Variants in ANKRD26 observed in about 807,000 individuals in gnomAD.
The protein encoded by ANKRD26 is ankyrin repeat domain-containing protein 26.
Under a neutral mutation model 208.7 loss-of-function variants are expected in ANKRD26, and 141 were observed. The ratio of observed to expected loss-of-function variants is 0.68; its 90% CI spans 0.59 to 0.78. The LOEUF is 0.78. Among genes scored for constraint, ANKRD26 ranks in the 30% least tolerant of loss-of-function variants. ANKRD26 has a pLI of 0.00. For missense variants in ANKRD26, 1,889 were observed against 1,938.7 expected (o/e 0.97, Z 0.48); for synonymous variants, 636 against 660.4 (o/e 0.96, Z 0.57).
intron 3 of ANKRD26, among the ~76,000 whole-genome samples, chr10:26,984,445 A>ATT (rs2052354334): frequency 6.6e-6 from 1 of 152,134 alleles, no homozygotes; most frequent in Non-Finnish European, 1.5e-5. Flanking sequence ...ATACCCCCTA[A>ATT]TTGTGCAGCA....
At chr10:27,061,320 A>ATATAAAATGT in intron 12 of ANKRD26, 78 bp from the exon 13 acceptor site, 1 of 894,454 alleles carries the variant, frequency 1.1e-6, no homozygotes, top group South Asian at 1.5e-5. Flanking sequence ...ACAGAATTAG[A>ATATAAAATGT]TATTAATAAC....
intron 5 of ANKRD26, among the ~76,000 whole-genome samples, chr10:26,979,891 A>T (rs1219650725): frequency 6.6e-6 from 1 of 151,738 alleles, no homozygotes; most frequent in African/African-American, 2.4e-5. Context: ...TGAGAAGTTA[A>T]TTGCTTTAAC....
chr10:27,070,696 C>T (rs141523048), intron 9 of ANKRD26, among the ~76,000 whole-genome samples: 361 of 150,458 alleles, frequency 2.4e-3, no homozygotes, highest in African/African-American at 8.2e-3. Context: ...GATGGAGTCT[C>T]GCCCTGTCGC....
intron 16 of ANKRD26, 27 bp from the exon 17 acceptor site, chr10:27,049,006 A>G: frequency 1.3e-6 from 2 of 1,533,368 alleles, no homozygotes; most frequent in Non-Finnish European, 1.8e-6. Context: ...ATACTAAGGA[A>G]TTGCTATTAC....
chr10:27,071,560 T>G (rs972067199), intron 9 of ANKRD26, among the ~76,000 whole-genome samples: 1 of 152,170 alleles, frequency 6.6e-6, no homozygotes, highest in African/African-American at 2.4e-5. Flanking sequence ...GGAGGCACTG[T>G]GACCAAGACT....
At chr10:26,981,932 G>C (rs2052315260) in intron 4 of ANKRD26, among the ~76,000 whole-genome samples, 1 of 152,150 alleles carries the variant, frequency 6.6e-6, no homozygotes, top group African/African-American at 2.4e-5. Context: ...CCCTAATTAT[G>C]TTCCTCTGAA....
chr10:27,099,508 G>A (rs1158521271), intron 1 of ANKRD26, among the ~76,000 whole-genome samples: 1 of 151,004 alleles, frequency 6.6e-6, no homozygotes, highest in African/African-American at 2.4e-5. Context: ...TAGAACTCCT[G>A]GGCTCAAGTG....
At chr10:27,038,475 C>T (rs1171258202) in intron 21 of ANKRD26, among the ~76,000 whole-genome samples, 1 of 152,072 alleles carries the variant, frequency 6.6e-6, no homozygotes, top group East Asian at 1.9e-4. Context: ...CAGGGTGAAA[C>T]CACATCTCTA....
At chr10:27,064,315 A>C (rs1432366432) in intron 11 of ANKRD26, among the ~76,000 whole-genome samples, 3 of 152,152 alleles carry the variant, frequency 2.0e-5, no homozygotes, top group Admixed American at 6.5e-5. Context: ...TGCAAACCAA[A>C]CATGGAAGTC....
In ANKRD26 at chr10:27,033,166, AC is replaced by A. The variant is rs1211986936; in HGVS notation, c.3807+58del. On this transcript the variant is annotated intron_variant, in intron 25 of 33. Transcript: ENST00000376087. The stretch of plus-strand genomic sequence containing the variant: ...CTACCCACTAAATTAGTATGATAAA[AC>A]ACTATATATTTAACCAGTTATAGAT... 13 of 1,391,830 alleles carry A rather than the reference AC, an allele frequency of 9.3e-6. No individual in the cohort carries two copies. The African/African-American group carries it at 1.7e-4, about 18-fold the overall frequency. The allele number at this position is 1,391,830 out of a possible 1,614,324, so 86.2% of individuals were successfully genotyped here.
chr10:27,036,610 C>G (rs2054053976), intron 23 of ANKRD26, among the ~76,000 whole-genome samples: 1 of 152,066 alleles, frequency 6.6e-6, no homozygotes, highest in African/African-American at 2.4e-5. Flanking sequence ...ATATGCTGAA[C>G]TGTTTTACTA....
chr10:27,038,868 CATAATTAA>C (rs1428480844), intron 21 of ANKRD26, among the ~76,000 whole-genome samples: 2 of 152,022 alleles, frequency 1.3e-5, no homozygotes, highest in African/African-American at 4.8e-5. Context: ...TGTATAATAG[CATAATTAA>C]AGATTAGGCT....
chr10:27,077,543 A>G lies in ANKRD26; in HGVS notation c.875-3T>C, dbSNP rs758234431. The G allele has an allele frequency of 7.4e-6, 12 of 1,613,138 alleles. No homozygotes were observed. In the Admixed American group the frequency reaches 1.3e-4, roughly 18 times the overall value. On this transcript the variant is annotated splice_region_variant and splice_polypyrimidine_tract_variant and intron_variant, in intron 8 of 33. Coordinates refer to ENST00000376087, the MANE Select transcript of ANKRD26 (RefSeq NM_014915.3). ...CACAGTGCCATATGTTGCTTCTACT[A>G]CAGTAAAAACAAAATAAAGAGTAAA...
intron 24 of ANKRD26, among the ~76,000 whole-genome samples, chr10:27,033,734 C>T (rs2053957451): frequency 6.6e-6 from 1 of 152,152 alleles, no homozygotes; most frequent in Non-Finnish European, 1.5e-5. Context: ...AACATTTTTG[C>T]TCTTTTTTAT....
At chr10:26,964,790 A>G in the ANKRD26 span, among the ~76,000 whole-genome samples, 1 of 152,222 alleles carries the variant, frequency 6.6e-6, no homozygotes, top group Non-Finnish European at 1.5e-5. Context: ...ATGGATATTA[A>G]TCAAGTCATT....
intron 20 of ANKRD26, among the ~76,000 whole-genome samples, chr10:27,042,998 A>C (rs1197563447): frequency 6.6e-6 from 1 of 151,424 alleles, no homozygotes; most frequent in East Asian, 1.9e-4. Context: ...TTCTAGAAAA[A>C]AAGCATAAGA....
chr10:27,063,075 T>C (rs557476610), intron 12 of ANKRD26, among the ~76,000 whole-genome samples: 27 of 152,230 alleles, frequency 1.8e-4, no homozygotes, highest in African/African-American at 5.3e-4. Context: ...ACATTTTCTA[T>C]GACATTAAAT....
At chr10:27,051,965 T>C (rs2054677747) in intron 16 of ANKRD26, 1 of 985,398 alleles carries the variant, frequency 1.0e-6, no homozygotes, top group South Asian at 4.7e-5. Context: ...TCCACATTTC[T>C]TCATCATTTT....
In ANKRD26 at chr10:27,018,207, T is replaced by G. The variant is rs554869192; in HGVS notation, c.4216-415A>C. 1.3e-4 allele frequency among the ~76,000 whole-genome samples: 20 copies of G among 149,258 alleles called. 1 individual carries two copies. In the South Asian group the frequency reaches 3.4e-3, roughly 26 times the overall value. On this transcript the variant is annotated intron_variant, in intron 29 of 33. Transcript: ENST00000376087. ...TGGAGTGCAGTGGTGTGATCTCCAC[T>G]CACTGCAAGCTTTGCCTCCCGGGTT...
Sources: allele counts gnomAD v4.1 joint callset (sites outside exome capture counted in the v4.1 genomes callset), GRCh38; gene constraint gnomAD v4.1.1; transcripts MANE v1.5; gene names NCBI Gene and HGNC (gene_info 2026-07-23, HGNC 2026-07-21).